Variants in RPS6KA2 observed in about 807,000 individuals in gnomAD.
RPS6KA2 encodes the protein ribosomal protein S6 kinase A2, also known as ribosomal protein S6 kinase alpha-2.
Under a neutral mutation model 91.8 loss-of-function variants are expected in RPS6KA2, and 42 were observed. The ratio of observed to expected loss-of-function variants is 0.46; its 90% CI spans 0.36 to 0.59. The LOEUF (loss-of-function observed/expected upper bound fraction) is 0.59. Ranked by LOEUF, RPS6KA2 falls within the 20% of genes least tolerant of loss-of-function variation. The pLI is 0.00. For missense variants in RPS6KA2, 798 were observed against 978.5 expected, an observed-to-expected ratio of 0.82 and a Z score of 2.46; for synonymous variants, 414 against 393.6, an observed-to-expected ratio of 1.05 and a Z score of -0.61.
chr6:166,649,203 G>A lies in RPS6KA2; in HGVS notation c.124-110419C>T, dbSNP rs58523041. Among the ~76,000 whole-genome samples, 396 of 152,186 alleles carry A rather than the reference G, an allele frequency of 2.6e-3. 3 individuals are homozygous for A. The highest frequency in any genetic ancestry group is 9.1e-3 in the African/African-American group (380 of 41,534). ...GGTAGTATTTCCACATCTGCCCCTC[G>A]CGTTCCTGCCCCTGCGCCCGTCTGC... On this transcript the variant is annotated intron_variant, in intron 2 of 21. Coordinates refer to the RPS6KA2 transcript ENST00000503859.
intron 19 of RPS6KA2, among the ~76,000 whole-genome samples, chr6:166,415,616 A>G (rs1397845889): frequency 6.6e-6 from 1 of 151,978 alleles, no homozygotes; most frequent in Non-Finnish European, 1.5e-5. Flanking sequence ...CTTTTCCAAC[A>G]CCTTCTCCCT....
rs1788191469 is a variant in RPS6KA2 at position 166,662,563 on chromosome 6, C to T, written c.124-123779G>A. On this transcript the variant is annotated intron_variant, in intron 2 of 21. Transcript: ENST00000503859. The surrounding 1 kb of genome is among the most constrained non-coding windows in gnomAD (Gnocchi z 4.3). ...TATGTTATGAACACCAGTTAGTTTG[C>T]ACCAGTTCCAGGAAAGAGATTCAAT... 6.6e-6 allele frequency among the ~76,000 whole-genome samples: 1 copy of T among 152,136 alleles called. No individual in the cohort carries two copies. Among genetic ancestry groups the T allele is most frequent in the African/African-American group, 2.4e-5 (1 of 41,426 alleles).
chr6:166,808,584 G>A (rs551449640), intron 2 of RPS6KA2, among the ~76,000 whole-genome samples: 2 of 152,236 alleles, frequency 1.3e-5, no homozygotes, highest in African/African-American at 4.8e-5. Flanking sequence ...CTTACGTATT[G>A]AATCAGATGA....
chr6:166,694,515 C>A (rs997327143), intron 2 of RPS6KA2, among the ~76,000 whole-genome samples: 1 of 152,226 alleles, frequency 6.6e-6, no homozygotes, highest in African/African-American at 2.4e-5. Flanking sequence ...CTGCGAAGAA[C>A]AAAGCCTGGC....
In RPS6KA2 at chr6:166,770,972, G is replaced by T; in HGVS notation, c.123+87228C>A. The T allele has an allele frequency of 6.7e-7, 1 of 1,497,190 alleles. No individual in the cohort carries two copies. The highest frequency in any genetic ancestry group is 9.1e-7 in the Non-Finnish European group (1 of 1,099,860). The allele number at this position is 1,497,190 out of a possible 1,614,324, so 92.7% of individuals were successfully genotyped here. A position where few individuals can be genotyped will look rare whatever the true frequency, so the allele number is the denominator to read the frequency against. On this transcript the variant is annotated intron_variant, in intron 2 of 21. Coordinates refer to the RPS6KA2 transcript ENST00000503859. This position sits in a 1 kb window ranked among gnomAD's most constrained non-coding sequence, Gnocchi z 5.1. ...AAGTCACAGGACGTATTTACAGTCA[G>T]CAACTTCATTAGCAAGGGCATTACT...
intron 14 of RPS6KA2, among the ~76,000 whole-genome samples, chr6:166,447,953 CT>C (rs111680950): frequency 1.3e-5 from 2 of 152,092 alleles, no homozygotes; most frequent in African/African-American, 4.8e-5. Flanking sequence ...TACAATGTAT[CT>C]TTTTTTAACA....
Position 166,711,894 on chromosome 6 carries a change from T to A in RPS6KA2, c.123+146306A>T, listed in dbSNP as rs141674967. ...TTAAAAAAAAACAAGACCAATAAAA[T>A]TGACAAATCTCTTGCAAGACTGATT... On this transcript the variant is annotated intron_variant, in intron 2 of 21. Coordinates refer to the RPS6KA2 transcript ENST00000503859. Among the ~76,000 whole-genome samples, 687 of 151,014 alleles carry A rather than the reference T, an allele frequency of 4.5e-3. 5 individuals are homozygous for A. The highest frequency in any genetic ancestry group is 0.016 in the African/African-American group (662 of 41,076).
intron 2 of RPS6KA2, chr6:166,701,489 C>A: frequency 8.3e-7 from 1 of 1,209,088 alleles, no homozygotes; most frequent in Non-Finnish European, 1.2e-6. Flanking sequence ...ACCTTAGCAT[C>A]TGGTGCTTCC....
Position 166,639,818 on chromosome 6 carries a change from T to C in RPS6KA2, c.124-101034A>G, listed in dbSNP as rs946329283. 6.6e-6 allele frequency among the ~76,000 whole-genome samples: 1 copy of C among 151,896 alleles called. No homozygotes were observed. The highest frequency in any genetic ancestry group is 6.6e-5 in the Admixed American group (1 of 15,242). On this transcript the variant is annotated intron_variant, in intron 2 of 21. Transcript: ENST00000503859. The surrounding 1 kb of genome is among the most constrained non-coding windows in gnomAD (Gnocchi z 4.2). ...AGATCACTCCACCCCACAGGCCCTG[T>C]TGGGGTCTCTCCTGGGTTCCTCTAG...
At chr6:166,663,629 AC>A (rs1399571042) in intron 2 of RPS6KA2, among the ~76,000 whole-genome samples, 2 of 152,184 alleles carry the variant, frequency 1.3e-5, no homozygotes, top group African/African-American at 4.8e-5. Flanking sequence ...AACTATTCCT[AC>A]CATCCCTCTA....
chr6:166,707,626 A>C (rs1789719568), intron 2 of RPS6KA2, among the ~76,000 whole-genome samples: 1 of 152,202 alleles, frequency 6.6e-6, no homozygotes, highest in Non-Finnish European at 1.5e-5. Context: ...AGACAGGTGC[A>C]CCTGGATCAG....
At chr6:166,597,077 G>A (rs1258482707) in intron 1 of RPS6KA2, among the ~76,000 whole-genome samples, 2 of 152,228 alleles carry the variant, frequency 1.3e-5, no homozygotes, top group Non-Finnish European at 2.9e-5. Flanking sequence ...CACAGATGCT[G>A]AGAACCAGCC....
At chr6:166,547,593 G>C (rs557721809) in intron 1 of RPS6KA2, among the ~76,000 whole-genome samples, 8 of 152,370 alleles carry the variant, frequency 5.3e-5, no homozygotes, top group African/African-American at 1.9e-4. Context: ...GGATGTGCTA[G>C]AAGATCAGAA....
chr6:166,491,874 A>T (rs888568853), intron 8 of RPS6KA2, among the ~76,000 whole-genome samples: 1 of 152,214 alleles, frequency 6.6e-6, no homozygotes, highest in Non-Finnish European at 1.5e-5. Flanking sequence ...TTGTATACTA[A>T]CTTTTCACAG....
At chr6:166,641,758 A>AAAAAAAAAAAAAAG in intron 2 of RPS6KA2, among the ~76,000 whole-genome samples, 1 of 141,236 alleles carries the variant, frequency 7.1e-6, no homozygotes, top group African/African-American at 2.7e-5. Flanking sequence ...AAAAAAAAAA[A>AAAAAAAAAAAAAAG]AAAAAATTCA....
At chr6:166,465,740 A>G (rs768790183) in intron 11 of RPS6KA2, among the ~76,000 whole-genome samples, 3 of 151,914 alleles carry the variant, frequency 2.0e-5, no homozygotes, top group Non-Finnish European at 2.9e-5. Flanking sequence ...AACCTCTTCC[A>G]TCGGTGGATG....
At chr6:166,736,923 C>A (rs1407600562) in intron 2 of RPS6KA2, among the ~76,000 whole-genome samples, 1 of 144,446 alleles carries the variant, frequency 6.9e-6, no homozygotes, top group African/African-American at 2.6e-5. Context: ...TATCTCCTAG[C>A]AGAATTGACA....
chr6:166,794,784 T>C (rs953969885), intron 2 of RPS6KA2, among the ~76,000 whole-genome samples: 3 of 148,208 alleles, frequency 2.0e-5, no homozygotes, highest in Admixed American at 7.0e-5. Context: ...ATGTTGTCAC[T>C]CATAGGTAGG....
At chr6:166,559,311 G>A (rs1399371734) in intron 1 of RPS6KA2, among the ~76,000 whole-genome samples, 2 of 152,192 alleles carry the variant, frequency 1.3e-5, no homozygotes, top group East Asian at 1.9e-4. Context: ...AGGGATAGAG[G>A]CATGTAACAG....
Sources: gnomAD v4.1 joint callset for allele counts (sites outside exome capture counted in the v4.1 genomes callset) on GRCh38, gnomAD v4.1.1 for gene constraint, Gnocchi (gnomAD v3.1) non-coding constraint, MANE v1.5 for transcripts, NCBI Gene and HGNC (gene_info 2026-07-23, HGNC 2026-07-21) for gene names.